The following GRB14 variants were observed in gnomAD, a reference collection of about 807,000 sequenced individuals.
GRB14 encodes growth factor receptor bound protein 14.
Under a neutral mutation model 69.1 loss-of-function variants are expected in GRB14, and 38 were observed. The observed-to-expected ratio is 0.55, with a 90% CI of 0.42 to 0.72. GRB14 has a LOEUF of 0.72. Among genes scored for constraint, GRB14 ranks in the 30% least tolerant of loss-of-function variants. The pLI is 0.00. For missense variants in GRB14, 666 were observed against 666.1 expected, an observed-to-expected ratio of 1.00 and a Z score of 0.00; for synonymous variants, 247 against 241.3, an observed-to-expected ratio of 1.02 and a Z score of -0.22.
At chr2:164,532,895 C>T (rs1165694060) in intron 3 of GRB14, among the ~76,000 whole-genome samples, 1 of 152,126 alleles carries the variant, frequency 6.6e-6, no homozygotes, top group Non-Finnish European at 1.5e-5. Flanking sequence ...ACCCTCTGCC[C>T]TCTGGGAAAC....
chr2:164,595,532 G>A (rs567686710), intron 2 of GRB14, among the ~76,000 whole-genome samples: 1 of 152,288 alleles, frequency 6.6e-6, no homozygotes, highest in African/African-American at 2.4e-5. Context: ...TGTGGAGTAG[G>A]ATGAAACAGA....
chr2:164,560,050 A>T (rs1398671940), intron 2 of GRB14, among the ~76,000 whole-genome samples: 2 of 152,172 alleles, frequency 1.3e-5, no homozygotes, highest in African/African-American at 4.8e-5. Context: ...CACAAATGAA[A>T]AAGCTGAAGC....
intron 3 of GRB14, among the ~76,000 whole-genome samples, chr2:164,539,440 C>G (rs1317005149): frequency 1.3e-5 from 2 of 151,338 alleles, no homozygotes; most frequent in Admixed American, 1.3e-4. Flanking sequence ...ACATACTGTA[C>G]TCCACCCTGG....
intron 3 of GRB14, among the ~76,000 whole-genome samples, chr2:164,542,645 C>G (rs1688269679): frequency 6.6e-6 from 1 of 152,144 alleles, no homozygotes; most frequent in African/African-American, 2.4e-5. Context: ...AAAAATTCCT[C>G]CACATCACTA....
intron 2 of GRB14, among the ~76,000 whole-genome samples, chr2:164,584,436 GT>G (rs1026012006): frequency 9.2e-5 from 14 of 151,640 alleles, no homozygotes; most frequent in African/African-American, 3.2e-4. Context: ...GCAAAATGAG[GT>G]TTTTAAACAA....
At chr2:164,520,102 G>A (rs566489718) in intron 6 of GRB14, among the ~76,000 whole-genome samples, 10 of 152,150 alleles carry the variant, frequency 6.6e-5, no homozygotes, top group East Asian at 1.9e-4. Flanking sequence ...CACATTACCC[G>A]ACTTCAAACT....
At chr2:164,518,959 C>G (rs1253674742) in intron 6 of GRB14, among the ~76,000 whole-genome samples, 1 of 151,976 alleles carries the variant, frequency 6.6e-6, no homozygotes, top group African/African-American at 2.4e-5. Flanking sequence ...AGAATTGGTA[C>G]CAATCCCATT....
intron 2 of GRB14, among the ~76,000 whole-genome samples, chr2:164,581,234 C>T (rs1447606759): frequency 6.6e-6 from 1 of 152,182 alleles, no homozygotes; most frequent in East Asian, 1.9e-4. Flanking sequence ...CCCCCGCCTT[C>T]ACCCCATGTC....
intron 13 of GRB14, 143 bp downstream of exon 13, chr2:164,494,287 CT>C: frequency 1.7e-6 from 1 of 592,962 alleles, no homozygotes. Flanking sequence ...AAAGTTAACT[CT>C]AGTCAAAGCA....
chr2:164,555,355 T>C (rs1688652204), intron 2 of GRB14, among the ~76,000 whole-genome samples: 2 of 152,236 alleles, frequency 1.3e-5, no homozygotes, highest in African/African-American at 4.8e-5. Flanking sequence ...GCCCCACTTA[T>C]TCTTTGTTTC....
At chr2:164,618,744 T>G (rs1250957216) in intron 2 of GRB14, among the ~76,000 whole-genome samples, 1 of 152,188 alleles carries the variant, frequency 6.6e-6, no homozygotes, top group Non-Finnish European at 1.5e-5. Flanking sequence ...ACACACATAG[T>G]TGAACCCATT....
At chr2:164,614,220 T>C (rs536226498) in intron 2 of GRB14, among the ~76,000 whole-genome samples, 17 of 152,368 alleles carry the variant, frequency 1.1e-4, no homozygotes, top group African/African-American at 4.1e-4. Flanking sequence ...GTTGGAAAGA[T>C]AGATTTGTTT....
At chr2:164,555,417 A>G (rs573271898) in intron 2 of GRB14, among the ~76,000 whole-genome samples, 80 of 152,176 alleles carry the variant, frequency 5.3e-4, no homozygotes, top group Non-Finnish European at 1.0e-3. Context: ...AATAATGAGC[A>G]TGGATTAAAC....
chr2:164,504,229 G>A (rs1687132766), intron 8 of GRB14, among the ~76,000 whole-genome samples: 1 of 152,010 alleles, frequency 6.6e-6, no homozygotes, highest in Non-Finnish European at 1.5e-5. Flanking sequence ...AATTCTTGGT[G>A]GGAGGCTGTT....
chr2:164,552,596 C>T (rs748968602), intron 2 of GRB14, among the ~76,000 whole-genome samples: 17 of 152,114 alleles, frequency 1.1e-4, no homozygotes, highest in Non-Finnish European at 1.9e-4. Flanking sequence ...GTCATTGAGG[C>T]TGATACTAAG....
chr2:164,503,331 C>T (rs965380183), intron 8 of GRB14, among the ~76,000 whole-genome samples: 2 of 150,092 alleles, frequency 1.3e-5, no homozygotes, highest in Admixed American at 1.3e-4. Flanking sequence ...CAAATCTTAC[C>T]TGAAGGATAA....
At chr2:164,569,902 G>A (rs1277745452) in intron 2 of GRB14, among the ~76,000 whole-genome samples, 2 of 152,064 alleles carry the variant, frequency 1.3e-5, no homozygotes, top group Non-Finnish European at 2.9e-5. Flanking sequence ...CAGCGATGGG[G>A]GGTTAGCATT....
intron 6 of GRB14, among the ~76,000 whole-genome samples, chr2:164,509,245 T>C (rs1257459062): frequency 6.6e-6 from 1 of 152,176 alleles, no homozygotes; most frequent in African/African-American, 2.4e-5. Context: ...GAAGGTTGGT[T>C]TGAGCTTCCA....
intron 2 of GRB14, among the ~76,000 whole-genome samples, chr2:164,582,425 T>TTA (rs1491331736): frequency 1.9e-4 from 4 of 21,614 alleles, no homozygotes; most frequent in Admixed American, 1.8e-3. Context: ...TTATTTATTA[T>TTA]TTTTTTTTTT....
Sources: allele counts gnomAD v4.1 joint callset (sites outside exome capture counted in the v4.1 genomes callset), GRCh38; gene constraint gnomAD v4.1.1; transcripts MANE v1.5; gene names NCBI Gene and HGNC (gene_info 2026-07-23, HGNC 2026-07-21).